Variants in ELAVL2 observed in about 807,000 individuals in gnomAD.
The protein encoded by ELAVL2 is ELAV like RNA binding protein 2.
Under a neutral mutation model 34.6 loss-of-function variants are expected in ELAVL2, and 4 were observed. The ratio of observed to expected loss-of-function variants is 0.12; its 90% CI spans 0.06 to 0.26. The LOEUF is 0.26. Among genes scored for constraint, ELAVL2 ranks in the 10% least tolerant of loss-of-function variants. ELAVL2 has a pLI of 1.00. For missense variants in ELAVL2, 432 were observed against 442.8 expected, an observed-to-expected ratio of 0.98 and a Z score of 0.22; for synonymous variants, 193 against 154.8, an observed-to-expected ratio of 1.25 and a Z score of -1.83.
At chr9:23,809,012 T>C (rs887494911) in intron 1 of ELAVL2, among the ~76,000 whole-genome samples, 10 of 152,128 alleles carry the variant, frequency 6.6e-5, no homozygotes, top group Non-Finnish European at 1.5e-4. Context: ...AAGGTCAAAG[T>C]TTAAGGTTAC....
intron 1 of ELAVL2, among the ~76,000 whole-genome samples, chr9:23,810,158 G>C (rs1238105927): frequency 6.6e-6 from 1 of 151,980 alleles, no homozygotes; most frequent in Non-Finnish European, 1.5e-5. Flanking sequence ...AAAAAAGCCT[G>C]AAGACAGTGT....
intron 2 of ELAVL2, chr9:23,735,126 A>AAAAAAAAAAAAAAAAAAAAAAC (rs2047549870): frequency 1.3e-5 from 2 of 148,236 alleles, no homozygotes; most frequent in South Asian, 2.1e-4. Flanking sequence ...AAAAAAAAAA[A>AAAAAAAAAAAAAAAAAAAAAAC]AGCCCTTAAG....
chr9:23,848,040 T>C, the ELAVL2 span, among the ~76,000 whole-genome samples: 3 of 152,056 alleles, frequency 2.0e-5, no homozygotes, highest in African/African-American at 4.8e-5. Context: ...TTTACATATA[T>C]ACAGGACATA....
intron 1 of ELAVL2, among the ~76,000 whole-genome samples, chr9:23,795,362 G>A (rs2060793003): frequency 6.6e-6 from 1 of 151,960 alleles, no homozygotes; most frequent in Admixed American, 6.6e-5. Flanking sequence ...TGGCCAACAT[G>A]GTAAAATCCC....
intron 1 of ELAVL2, among the ~76,000 whole-genome samples, chr9:23,777,356 ACTCTATCG>A (rs2058376983): frequency 9.2e-6 from 1 of 108,832 alleles, no homozygotes; most frequent in Non-Finnish European, 2.1e-5. Flanking sequence ...CTCAAATGCC[ACTCTATCG>A]CTCTATCTTA....
At chr9:23,763,652 C>T (rs1401148565) in intron 1 of ELAVL2, among the ~76,000 whole-genome samples, 1 of 151,976 alleles carries the variant, frequency 6.6e-6, no homozygotes, top group African/African-American at 2.4e-5. Flanking sequence ...AATAAAAGGG[C>T]ACATTAGCAG....
intron 1 of ELAVL2, among the ~76,000 whole-genome samples, chr9:23,763,216 A>G (rs1233280719): frequency 6.6e-6 from 1 of 152,128 alleles, no homozygotes; most frequent in Non-Finnish European, 1.5e-5. Context: ...CAAACACCAG[A>G]TAAAGAACAG....
intron 2 of ELAVL2, among the ~76,000 whole-genome samples, chr9:23,733,347 C>A (rs758906149): frequency 3.0e-4 from 46 of 152,076 alleles, no homozygotes; most frequent in Non-Finnish European, 5.7e-4. Flanking sequence ...CTCAAGCGAT[C>A]CTCCCACCTT....
At chr9:23,751,059 A>T (rs1215380901) in intron 2 of ELAVL2, among the ~76,000 whole-genome samples, 1 of 152,152 alleles carries the variant, frequency 6.6e-6, no homozygotes, top group Non-Finnish European at 1.5e-5. Flanking sequence ...GCCCCATCAG[A>T]TCTACTCTAC....
intron 2 of ELAVL2, among the ~76,000 whole-genome samples, chr9:23,759,111 C>A (rs75621904): frequency 2.0e-5 from 3 of 151,930 alleles, no homozygotes; most frequent in African/African-American, 7.2e-5. Context: ...AAGGGATGCA[C>A]GCATATCCAT....
chr9:23,833,106 T>G, the ELAVL2 span, among the ~76,000 whole-genome samples: 1 of 152,002 alleles, frequency 6.6e-6, no homozygotes, highest in Non-Finnish European at 1.5e-5. Flanking sequence ...GAATTAGTGC[T>G]TTGTGTATCC....
intron 3 of ELAVL2, among the ~76,000 whole-genome samples, chr9:23,728,635 T>C: frequency 6.6e-6 from 1 of 152,084 alleles, no homozygotes; most frequent in East Asian, 1.9e-4. Context: ...GACTTATTTA[T>C]GGAATAGTAT....
chr9:23,731,149 G>A (rs771147862), intron 2 of ELAVL2, 24 bp from the exon 3 acceptor site: 24 of 1,602,150 alleles, frequency 1.5e-5, no homozygotes, highest in Middle Eastern at 1.7e-4. Flanking sequence ...AGGGGAAAAA[G>A]GCATATATTA....
intron 1 of ELAVL2, among the ~76,000 whole-genome samples, chr9:23,763,589 G>T (rs1455193770): frequency 6.6e-6 from 1 of 151,698 alleles, no homozygotes; most frequent in African/African-American, 2.4e-5. Context: ...AGGGAAAGAG[G>T]GTTACAAGGA....
Position 23,762,085 on chromosome 9 carries a change from C to T in ELAVL2, c.150G>A (p.Met50Ile). Residue 50 changes from methionine (M) to isoleucine (I), a missense_variant, in exon 2 of 7, where the codon ATG becomes ATA. Around this residue, in one of 3 missense-constraint regions of ELAVL2, gnomAD observed 132 missense variants for 118.3 expected, o/e 1.12. Transcript: ENST00000397312. ...NLIVNYLPQNMTQEELKSLFG... is the reference protein window; with the variant it reads ...NLIVNYLPQNITQEELKSLFG... ...AGAGACTCTTTAGTTCCTCCTGTGTCATGTTCTGAGGAAGGTAGTTGACTA... is the reference window on the plus strand; with the variant it reads ...AGAGACTCTTTAGTTCCTCCTGTGTTATGTTCTGAGGAAGGTAGTTGACTA... The T allele has an allele frequency of 1.2e-6, 2 of 1,613,472 alleles. No homozygotes were observed. The highest frequency in any genetic ancestry group is 1.7e-6 in the Non-Finnish European group (2 of 1,179,586).
chr9:23,749,623 G>C (rs754202312), intron 2 of ELAVL2, among the ~76,000 whole-genome samples: 1 of 152,086 alleles, frequency 6.6e-6, no homozygotes, highest in African/African-American at 2.4e-5. Flanking sequence ...TTCAGTCTTT[G>C]TTTAAAGGGA....
rs145524503 is a variant in ELAVL2 at position 23,795,063 on chromosome 9, A to G, written c.-16+30743T>C. On this transcript the variant is annotated intron_variant, in intron 1 of 6. Transcript: ENST00000397312. ...GCTATCAAAACAAACTAAAGGAGTA[A>G]AATAATATTACTGCTCTTCAGACAT... 1.7e-3 allele frequency among the ~76,000 whole-genome samples: 266 copies of G among 152,316 alleles called. 1 individual carries two copies. Among genetic ancestry groups the G allele is most frequent in the African/African-American group, 6.2e-3 (257 of 41,548 alleles).
At chr9:23,738,724 C>T (rs1281295184) in intron 2 of ELAVL2, among the ~76,000 whole-genome samples, 1 of 152,168 alleles carries the variant, frequency 6.6e-6, no homozygotes, top group African/African-American at 2.4e-5. Flanking sequence ...GAGTTTAAAT[C>T]ATAACTTTTC....
rs2055125790 is a variant in ELAVL2 at position 23,761,992 on chromosome 9, A to C, written c.229+14T>G. 1.2e-6 allele frequency: 2 copies of C among 1,606,462 alleles called. No individual in the cohort carries two copies. Among genetic ancestry groups the C allele is most frequent in the Admixed American group, 3.4e-5 (2 of 59,282 alleles). ...GATCCGTTAAATATAAATCATCTAC[A>C]TAAAACTGCTTACCTGTTATTTTGT... On this transcript the variant is annotated intron_variant, in intron 2 of 6. Transcript: ENST00000397312.
Sources: gnomAD v4.1 joint callset for allele counts (sites outside exome capture counted in the v4.1 genomes callset) on GRCh38, gnomAD v4.1.1 for gene constraint, gnomAD v4.1.1 regional missense constraint, MANE v1.5 for transcripts, NCBI Gene and HGNC (gene_info 2026-07-23, HGNC 2026-07-21) for gene names.